OXNAD1: variants seen among roughly 807,000 people sequenced by gnomAD.
The protein encoded by OXNAD1 is oxidoreductase NAD binding domain containing 1, also known as oxidoreductase NAD-binding domain-containing protein 1.
A neutral mutation model predicts 32.9 loss-of-function variants in OXNAD1; 34 were observed. The ratio of observed to expected loss-of-function variants is 1.03; its 90% CI spans 0.79 to 1.38. The LOEUF is 1.38. OXNAD1 is among the 40% of genes most tolerant of loss of function. OXNAD1 has a pLI of 0.00. For synonymous variants in OXNAD1, 134 were observed against 135.2 expected (o/e 0.99, Z 0.06); for missense variants, 407 against 379.4 (o/e 1.07, Z -0.60).
At chr3:16,323,352 A>G in intron 9 of OXNAD1, 1 of 1,549,058 alleles carries the variant, frequency 6.5e-7, no homozygotes, top group Non-Finnish European at 8.9e-7. Context: ...AGGAAAACCT[A>G]GGAAGGCCAT....
chr3:16,273,347 A>G (rs1356082395), intron 4 of OXNAD1, among the ~76,000 whole-genome samples: 1 of 151,654 alleles, frequency 6.6e-6, no homozygotes, highest in Non-Finnish European at 1.5e-5. Flanking sequence ...ATATTTTAAG[A>G]CAGGTAAGAT....
downstream of OXNAD1, among the ~76,000 whole-genome samples, chr3:16,307,824 A>ATGTT (rs2067673598): frequency 1.3e-5 from 2 of 152,194 alleles, no homozygotes; most frequent in East Asian, 3.8e-4. Context: ...GCTTTCCCAA[A>ATGTT]TGTTTAACGT....
chr3:16,350,667 A>AT (rs1291351986), downstream of OXNAD1, among the ~76,000 whole-genome samples: 1 of 152,076 alleles, frequency 6.6e-6, no homozygotes, highest in Non-Finnish European at 1.5e-5. Context: ...CTGTGCTATG[A>AT]TTTGCTTTGC....
intron 4 of OXNAD1, among the ~76,000 whole-genome samples, chr3:16,281,895 CTT>C (rs1213407558): frequency 5.4e-5 from 6 of 110,524 alleles, no homozygotes; most frequent in African/African-American, 6.8e-5. Context: ...AATAACATTT[CTT>C]TTTTTTTTTT....
At chr3:16,275,137 G>T in intron 4 of OXNAD1, 1 of 175,942 alleles carries the variant, frequency 5.7e-6, no homozygotes, top group South Asian at 1.4e-4. Flanking sequence ...TTCCTGCTTT[G>T]GCTGTCTTAT....
chr3:16,323,295 G>T, intron 9 of OXNAD1: 1 of 1,028,108 alleles, frequency 9.7e-7, no homozygotes, highest in Non-Finnish European at 1.5e-6. Context: ...GGAGCAGGCT[G>T]CCCCCTCAAA....
intron 5 of OXNAD1, among the ~76,000 whole-genome samples, chr3:16,294,551 C>G (rs1367100616): frequency 1.3e-5 from 2 of 152,148 alleles, no homozygotes; most frequent in Non-Finnish European, 2.9e-5. Flanking sequence ...AAATTATTAA[C>G]TCAATCCTTT....
intron 1 of OXNAD1, among the ~76,000 whole-genome samples, chr3:16,268,000 GA>G (rs2064654127): frequency 6.6e-6 from 1 of 152,118 alleles, no homozygotes; most frequent in Non-Finnish European, 1.5e-5. Flanking sequence ...AGTTAATTAA[GA>G]TTTTTTGGTA....
rs1300853266 is a variant in OXNAD1, at chr3:16,334,608, A to AG, written c.*31-2503dup. On this transcript the variant is annotated intron_variant, in intron 9 of 9. Transcript: ENST00000435829. This position sits in a 1 kb window ranked among gnomAD's most constrained non-coding sequence, Gnocchi z 4.3. Reference sequence around the variant, plus strand: ...TGTTGAGCCGGGGCATACAGGATGAAGAGGGACAATGAGAGGGAATGAATT... The same window carrying AG: ...TGTTGAGCCGGGGCATACAGGATGAAGGAGGGACAATGAGAGGGAATGAATT... Among the ~76,000 whole-genome samples, 1 of 152,180 alleles carries AG rather than the reference A, an allele frequency of 6.6e-6. No individual in the cohort carries two copies. Among genetic ancestry groups the AG allele is most frequent in the Non-Finnish European group, 1.5e-5 (1 of 68,034 alleles).
chr3:16,294,929 CAA>C lies in OXNAD1; in HGVS notation c.365_366del (p.Gln122ArgfsTer26). ...ATGCTCCAGTCCCAGACTGCTAGAA[CAA>C]GAGAGAGTGATAGAATTGGCAGTGA... ...SICSSPRLLE[Q>X]ERVIELAVKY... On this transcript the variant is annotated frameshift_variant, in exon 6 of 9. Coordinates refer to ENST00000285083, the MANE Select transcript of OXNAD1 (RefSeq NM_138381.5). LOFTEE classifies it high-confidence loss of function. The C allele has an allele frequency of 6.2e-7, 1 of 1,613,598 alleles. No homozygotes were observed. The highest frequency in any genetic ancestry group is 8.5e-7 in the Non-Finnish European group (1 of 1,179,706).
chr3:16,330,225 T>C (rs1360648153), intron 9 of OXNAD1, among the ~76,000 whole-genome samples: 1 of 152,176 alleles, frequency 6.6e-6, no homozygotes, highest in Non-Finnish European at 1.5e-5. Flanking sequence ...AAAATACAAA[T>C]GGTAGGGGTG....
rs2066121625 is a variant in OXNAD1, at chr3:16,287,044, A to G, written c.290+596A>G. ...CCCCAGAACCCCCACACAAATCATAAGTCTGTCCCATTTGACTCGGGACTG... is the reference window on the plus strand; with the variant it reads ...CCCCAGAACCCCCACACAAATCATAGGTCTGTCCCATTTGACTCGGGACTG... On this transcript the variant is annotated intron_variant, in intron 5 of 8. Coordinates refer to ENST00000285083, the MANE Select transcript of OXNAD1 (RefSeq NM_138381.5). This position sits in a 1 kb window ranked among gnomAD's most constrained non-coding sequence, Gnocchi z 4.8. 6.6e-6 allele frequency among the ~76,000 whole-genome samples: 1 copy of G among 152,156 alleles called. No individual in the cohort carries two copies. Among genetic ancestry groups the G allele is most frequent in the Non-Finnish European group, 1.5e-5 (1 of 68,020 alleles).
chr3:16,333,490 T>C (rs1364549798), intron 9 of OXNAD1, among the ~76,000 whole-genome samples: 1 of 152,254 alleles, frequency 6.6e-6, no homozygotes, highest in African/African-American at 2.4e-5. Context: ...ATTATGTCAT[T>C]CCTTTAGTTT....
chr3:16,293,229 T>C (rs1035558562), intron 5 of OXNAD1, among the ~76,000 whole-genome samples: 2 of 152,254 alleles, frequency 1.3e-5, no homozygotes, highest in African/African-American at 2.4e-5. Context: ...ACTGTGTAAG[T>C]CTTACACTTA....
At chr3:16,311,276 TA>T (rs11319154) in intron 9 of OXNAD1, among the ~76,000 whole-genome samples, 152,104 of 152,106 alleles carry the variant, frequency 1, 76,051 homozygotes, top group Middle Eastern at 1. Context: ...TCACTGCAAC[TA>T]TCTGCCTCCC....
chr3:16,283,918 G>A (rs2065912749), intron 4 of OXNAD1, among the ~76,000 whole-genome samples: 1 of 152,158 alleles, frequency 6.6e-6, no homozygotes, highest in Non-Finnish European at 1.5e-5. Context: ...CATTGAGTTT[G>A]GTTGTTCAGA....
In OXNAD1 at chr3:16,335,981, G is replaced by A. The variant is rs1175622048; in HGVS notation, c.*31-1131G>A. Reference sequence around the variant, plus strand: ...CAGAGCATGCTGGCGCCTTCTCAGGGCTGCCTGGGCCCTGCTCAGCACACG... The same window carrying A: ...CAGAGCATGCTGGCGCCTTCTCAGGACTGCCTGGGCCCTGCTCAGCACACG... On this transcript the variant is annotated intron_variant, in intron 9 of 9. Coordinates refer to the OXNAD1 transcript ENST00000435829. The surrounding 1 kb of genome is among the most constrained non-coding windows in gnomAD (Gnocchi z 4.7). 3.3e-5 allele frequency among the ~76,000 whole-genome samples: 5 copies of A among 152,178 alleles called. No individual in the cohort carries two copies. Among genetic ancestry groups the A allele is most frequent in the African/African-American group, 1.2e-4 (5 of 41,440 alleles).
chr3:16,294,963 C>T lies in OXNAD1; in HGVS notation c.398C>T (p.Thr133Met), dbSNP rs778969448. ...ERVIELAVKY[T>M]NHPPALWVHN... ...GTGATAGAATTGGCAGTGAAATATA[C>T]GAACCACCCTCCTGCCCTCTGGGTT... is the stretch of plus-strand genomic sequence containing the variant. The change falls in exon 6 of 9, where the codon ACG (threonine) becomes ATG (methionine). Residue 133 changes from threonine (T) to methionine (M), a missense_variant. By Grantham distance (81) the Thr-to-Met change is moderately conservative (BLOSUM62 -1). Coordinates refer to ENST00000285083, the MANE Select transcript of OXNAD1 (RefSeq NM_138381.5). 12 of 1,612,890 alleles carry T rather than the reference C, an allele frequency of 7.4e-6. No individual in the cohort carries two copies. The highest frequency in any genetic ancestry group is 4.4e-5 in the South Asian group (4 of 90,956).
At position 16,301,957 on chromosome 3, in the gene OXNAD1, C is replaced by T; in HGVS notation, c.675+89C>T. 6.7e-7 allele frequency: 1 copy of T among 1,485,732 alleles called. No homozygotes were observed. Among genetic ancestry groups the T allele is most frequent in the Non-Finnish European group, 9.1e-7 (1 of 1,103,800 alleles). 92.0% of individuals were successfully genotyped at this position (1,485,732 alleles called of 1,614,324 possible). A position where few individuals can be genotyped will look rare whatever the true frequency, so the allele number is the denominator to read the frequency against. Reference sequence around the variant, plus strand: ...TTTTCTCTAGGTTTTGTTTTCTCTGCAAAGGTTCAAACAAAAGGCTTGGCA... The same window carrying T: ...TTTTCTCTAGGTTTTGTTTTCTCTGTAAAGGTTCAAACAAAAGGCTTGGCA... On this transcript the variant is annotated intron_variant, in intron 7 of 8. Transcript: ENST00000285083. The surrounding 1 kb of genome is among the most constrained non-coding windows in gnomAD (Gnocchi z 4.1).
Sources: gnomAD v4.1 joint callset for allele counts (sites outside exome capture counted in the v4.1 genomes callset) on GRCh38, gnomAD v4.1.1 for gene constraint, Gnocchi (gnomAD v3.1) non-coding constraint, MANE v1.5 for transcripts, NCBI Gene and HGNC (gene_info 2026-07-23, HGNC 2026-07-21) for gene names.